Variants in ADAM9 observed in about 807,000 individuals in gnomAD.
ADAM9 encodes the protein disintegrin and metalloproteinase domain-containing protein 9.
Under a neutral mutation model 108.1 loss-of-function variants are expected in ADAM9, and 54 were observed. That is an observed-to-expected ratio of 0.50 (90% CI 0.40 to 0.63). ADAM9 has a LOEUF of 0.63. Among genes scored for constraint, ADAM9 ranks in the 20% least tolerant of loss-of-function variants. The pLI is 0.00. For missense variants in ADAM9, 830 were observed against 997.7 expected, an observed-to-expected ratio of 0.83 and a Z score of 2.26; for synonymous variants, 316 against 336.0, an observed-to-expected ratio of 0.94 and a Z score of 0.65.
At chr8:39,067,291 A>G (rs1320306260) in intron 14 of ADAM9, among the ~76,000 whole-genome samples, 1 of 152,216 alleles carries the variant, frequency 6.6e-6, no homozygotes, top group African/African-American at 2.4e-5. Flanking sequence ...CTGTGAAGAA[A>G]GTCATTGGTA....
intron 14 of ADAM9, among the ~76,000 whole-genome samples, chr8:39,065,647 G>A (rs1282962154): frequency 7.2e-5 from 9 of 124,446 alleles, no homozygotes; most frequent in Admixed American, 4.4e-4. Flanking sequence ...GCGACAGTGC[G>A]AGGCTACATC....
chr8:39,023,108 C>T (rs1564256163), intron 8 of ADAM9, 48 bp from the exon 9 acceptor site: 1 of 1,517,534 alleles, frequency 6.6e-7, no homozygotes, highest in Admixed American at 1.8e-5. Flanking sequence ...AAAGATTTTT[C>T]TCACGTTCTT....
intron 11 of ADAM9, among the ~76,000 whole-genome samples, chr8:39,035,072 T>C (rs1321232637): frequency 1.3e-5 from 2 of 152,246 alleles, no homozygotes; most frequent in African/African-American, 4.8e-5. Flanking sequence ...GTGATTCTAG[T>C]GAACTGTGTG....
In ADAM9 at chr8:39,103,640, G is replaced by T. The variant is rs145276865; in HGVS notation, c.2400G>T (p.Gln800His). ...CACCACAACCGAAAGTATCATCTCA[G>T]GGAAACTTAATTCCTGCCCGTCCTG... Reference protein sequence around the residue: ...PPPPQPKVSSQGNLIPARPAP... With the variant: ...PPPPQPKVSSHGNLIPARPAP... The change falls in exon 22 of 22, where the codon CAG becomes CAT. Residue 800 changes from glutamine (Q) to histidine (H), a missense_variant. Transcript: ENST00000487273. 107 of 1,614,060 alleles carry T rather than the reference G, an allele frequency of 6.6e-5. 1 individual carries two copies. The Middle Eastern group carries it at 2.0e-3, about 30-fold the overall frequency.
At chr8:38,997,543 G>T (rs7831735) in intron 1 of ADAM9, among the ~76,000 whole-genome samples, 56,863 of 152,100 alleles carry the variant, frequency 0.37, 11,795 homozygotes, top group East Asian at 0.75. Flanking sequence ...CGGGCGTTCA[G>T]TCCTCCAAAC....
chr8:39,097,857 A>T (rs1839559679), intron 20 of ADAM9, among the ~76,000 whole-genome samples: 1 of 152,168 alleles, frequency 6.6e-6, no homozygotes. Flanking sequence ...ACTAATCACA[A>T]ATGACTTTTG....
At chr8:39,090,289 C>CA in intron 19 of ADAM9, 101 bp downstream of exon 19, 5 of 1,028,990 alleles carry the variant, frequency 4.9e-6, no homozygotes, top group Non-Finnish European at 7.1e-6. Flanking sequence ...CCCCCTGCCT[C>CA]AGCCTTCCAA....
At chr8:39,017,964 A>G (rs943428781) in intron 6 of ADAM9, among the ~76,000 whole-genome samples, 2 of 152,328 alleles carry the variant, frequency 1.3e-5, no homozygotes, top group Non-Finnish European at 2.9e-5. Flanking sequence ...TTGGAAAAAG[A>G]GAGAGATACG....
In ADAM9 at chr8:39,093,923, C is replaced by A. The variant is rs534682195; in HGVS notation, c.2298+2577C>A. On this transcript the variant is annotated intron_variant, in intron 20 of 21. Coordinates refer to ENST00000487273, the MANE Select transcript of ADAM9 (RefSeq NM_003816.3). The stretch of plus-strand genomic sequence containing the variant: ...TAGCTGGGATTACAGGCATGTGCCA[C>A]CCTGCCCAGCTAATTTTTATATTTT... 7.0e-4 allele frequency among the ~76,000 whole-genome samples: 106 copies of A among 152,330 alleles called. 1 individual carries two copies. The highest frequency in any genetic ancestry group is 4.8e-3 in the South Asian group (23 of 4,820).
chr8:39,054,006 G>A (rs1838035756), intron 12 of ADAM9, among the ~76,000 whole-genome samples: 1 of 152,104 alleles, frequency 6.6e-6, no homozygotes, highest in South Asian at 2.1e-4. Flanking sequence ...TGATCCACTA[G>A]GATCAGTGTC....
intron 1 of ADAM9, among the ~76,000 whole-genome samples, chr8:39,005,111 T>TGTAA (rs1836119555): frequency 6.6e-6 from 1 of 152,192 alleles, no homozygotes; most frequent in South Asian, 2.1e-4. Flanking sequence ...TCCTTTTACA[T>TGTAA]GGGAACCTTA....
chr8:39,013,931 C>T (rs1564236978), intron 3 of ADAM9, 34 bp from the exon 4 acceptor site: 4 of 1,514,066 alleles, frequency 2.6e-6, no homozygotes, highest in Non-Finnish European at 3.7e-6. Flanking sequence ...AGATAGATAA[C>T]ATATATATAA....
intron 12 of ADAM9, among the ~76,000 whole-genome samples, chr8:39,052,085 T>C (rs1046531740): frequency 6.6e-6 from 1 of 152,188 alleles, no homozygotes; most frequent in South Asian, 2.1e-4. Flanking sequence ...GAATTTCCTA[T>C]AAATAGTGTG....
chr8:39,075,767 G>A (rs1838833725), intron 15 of ADAM9: 1 of 152,134 alleles, frequency 6.6e-6, no homozygotes. Context: ...CTTAACTGAG[G>A]TCTACTTTAT....
Position 39,042,114 on chromosome 8 carries a change from A to G in ADAM9, c.1299A>G (p.Pro433=). The change falls in exon 12 of 22, where the codon CCA becomes CCG. Residue 433 remains proline (P), a synonymous_variant. Coordinates refer to ENST00000487273, the MANE Select transcript of ADAM9 (RefSeq NM_003816.3). ...GGGAAGAGTGTGACTGTGGTACTCC[A>G]AAGGTCAGTTTAATTTTTGACTTTT... ...DAGEECDCGT[P]KECELDPCCE... is the part of the protein sequence containing the mutation. 1 of 1,614,032 alleles carries G rather than the reference A, an allele frequency of 6.2e-7. No homozygotes were observed. Among genetic ancestry groups the G allele is most frequent in the Non-Finnish European group, 8.5e-7 (1 of 1,179,884 alleles).
intron 18 of ADAM9, among the ~76,000 whole-genome samples, chr8:39,085,660 T>G (rs1208104879): frequency 2.0e-5 from 3 of 152,204 alleles, no homozygotes; most frequent in Non-Finnish European, 4.4e-5. Context: ...GTCTTCTGAC[T>G]TGCATTGTTT....
rs1838436096 is a variant in ADAM9 at position 39,065,568 on chromosome 8, G to A, written c.1592-5730G>A. Among the ~76,000 whole-genome samples, 3 of 149,612 alleles carry A rather than the reference G, an allele frequency of 2.0e-5. No homozygotes were observed. In the South Asian group the frequency reaches 6.3e-4, roughly 31 times the overall value. On this transcript the variant is annotated intron_variant, in intron 14 of 21. Coordinates refer to ENST00000487273, the MANE Select transcript of ADAM9 (RefSeq NM_003816.3). ...CCAGCTACTCGGGAGGCTGAGGCAG[G>A]AGAATGGCGTGAACCCGGGAGGCGG...
At position 39,025,907 on chromosome 8, in the gene ADAM9, C is replaced by G. The variant is rs773515684; in HGVS notation, c.996+23C>G. On this transcript the variant is annotated intron_variant, in intron 10 of 21. Coordinates refer to ENST00000487273, the MANE Select transcript of ADAM9 (RefSeq NM_003816.3). ...GTGGTACGTTGTTCTTGATGTTTAACTTTGGATGTTTGCACTGGGACAATA... is the reference window on the plus strand; with the variant it reads ...GTGGTACGTTGTTCTTGATGTTTAAGTTTGGATGTTTGCACTGGGACAATA... The G allele has an allele frequency of 6.2e-6, 10 of 1,607,894 alleles. No homozygotes were observed. In the East Asian group the frequency reaches 2.0e-4, roughly 32 times the overall value.
intron 16 of ADAM9, among the ~76,000 whole-genome samples, chr8:39,079,742 G>A (rs924759128): frequency 6.6e-6 from 1 of 152,066 alleles, no homozygotes; most frequent in Non-Finnish European, 1.5e-5. Flanking sequence ...CTGCCACCAT[G>A]TCTGGCTAAT....
Sources: allele counts gnomAD v4.1 joint callset (sites outside exome capture counted in the v4.1 genomes callset), GRCh38; gene constraint gnomAD v4.1.1; transcripts MANE v1.5; gene names NCBI Gene and HGNC (gene_info 2026-07-23, HGNC 2026-07-21).